Variants in C2orf76 observed in about 807,000 individuals in gnomAD.
C2orf76 encodes the protein chromosome 2 open reading frame 76.
In C2orf76, 23 loss-of-function variants were observed where a neutral mutation model predicts 16.9. The ratio of observed to expected loss-of-function variants is 1.36; its 90% confidence interval spans 0.98 to 1.93. The LOEUF (loss-of-function observed/expected upper bound fraction) is 1.93, where lower values mean the gene tolerates loss of function less well. Ranked by LOEUF, C2orf76 falls within the 30% of genes most tolerant of loss-of-function variation. The pLI, the probability that C2orf76 is intolerant of heterozygous loss-of-function variation, is 0.00. For missense variants in C2orf76, 152 were observed against 152.6 expected (o/e 1.00, Z 0.02); for synonymous variants, 48 against 52.3 (o/e 0.92, Z 0.35).
chr2:119,335,171 G>A (rs183573328), intron 2 of C2orf76, among the ~76,000 whole-genome samples: 10 of 152,218 alleles, frequency 6.6e-5, no homozygotes, highest in East Asian at 1.9e-4. Flanking sequence ...ATGTACATAC[G>A]CACAGGTTAA....
chr2:119,307,866 G>T (rs1476368303), intron 5 of C2orf76, among the ~76,000 whole-genome samples: 5 of 152,192 alleles, frequency 3.3e-5, no homozygotes, highest in Non-Finnish European at 5.9e-5. Flanking sequence ...CAATATTTTA[G>T]TAAAGTCAAA....
At chr2:119,316,999 A>G (rs1679191867) in intron 4 of C2orf76, among the ~76,000 whole-genome samples, 1 of 152,226 alleles carries the variant, frequency 6.6e-6, no homozygotes, top group South Asian at 2.1e-4. Context: ...GGTGGAGCTA[A>G]AAGGTGTGTT....
At chr2:119,364,991 G>C (rs1321461762) in intron 1 of C2orf76, among the ~76,000 whole-genome samples, 1 of 152,176 alleles carries the variant, frequency 6.6e-6, no homozygotes. Flanking sequence ...GGCTAAGGTG[G>C]GAGGATCGCT....
At chr2:119,355,904 A>C (rs1023699094) in intron 1 of C2orf76, among the ~76,000 whole-genome samples, 1 of 152,226 alleles carries the variant, frequency 6.6e-6, no homozygotes, top group Non-Finnish European at 1.5e-5. Context: ...TCAAGTATCC[A>C]CAACATAGAT....
At chr2:119,294,111 C>T in the C2orf76 span, among the ~76,000 whole-genome samples, 1 of 152,054 alleles carries the variant, frequency 6.6e-6, no homozygotes, top group Non-Finnish European at 1.5e-5. Context: ...AGCCCTGGGG[C>T]CTTCTACATC....
the C2orf76 span, among the ~76,000 whole-genome samples, chr2:119,295,879 C>A: frequency 1.3e-5 from 2 of 152,164 alleles, no homozygotes; most frequent in Non-Finnish European, 2.9e-5. Flanking sequence ...TGCTCCCTAA[C>A]AAATCACACC....
the C2orf76 span, among the ~76,000 whole-genome samples, chr2:119,292,507 AAACT>A: frequency 2.0e-5 from 3 of 152,172 alleles, no homozygotes; most frequent in Admixed American, 6.5e-5. Flanking sequence ...CGACAAAAAC[AAACT>A]AACTTTCAAC....
At chr2:119,283,689 G>A in the C2orf76 span, among the ~76,000 whole-genome samples, 19 of 151,994 alleles carry the variant, frequency 1.3e-4, no homozygotes, top group Non-Finnish European at 5.9e-5. Flanking sequence ...TGGCCAGCCT[G>A]GTCTTGAACT....
At chr2:119,356,368 G>A (rs975212812) in intron 1 of C2orf76, among the ~76,000 whole-genome samples, 12 of 147,108 alleles carry the variant, frequency 8.2e-5, no homozygotes, top group African/African-American at 3.0e-4. Context: ...CTGTTCTCCA[G>A]CCTGGGTGAC....
intron 1 of C2orf76, among the ~76,000 whole-genome samples, chr2:119,364,161 T>C (rs923828172): frequency 1.3e-5 from 2 of 151,938 alleles, no homozygotes; most frequent in African/African-American, 2.4e-5. Flanking sequence ...ATCTTGCCCA[T>C]CTGGCTTTAT....
chr2:119,310,169 C>T (rs776397594), intron 5 of C2orf76, among the ~76,000 whole-genome samples: 4 of 152,100 alleles, frequency 2.6e-5, no homozygotes, highest in Non-Finnish European at 5.9e-5. Flanking sequence ...TGTCTGTCAA[C>T]ACCCCCATTA....
chr2:119,304,910 C>G (rs1678728081), intron 5 of C2orf76, among the ~76,000 whole-genome samples: 1 of 152,150 alleles, frequency 6.6e-6, no homozygotes. Context: ...CACTTTCCAC[C>G]ATTATCCCTT....
the C2orf76 span, among the ~76,000 whole-genome samples, chr2:119,292,676 A>C: frequency 2.6e-5 from 4 of 152,296 alleles, no homozygotes; most frequent in East Asian, 7.7e-4. Flanking sequence ...CAGTCTACAC[A>C]GATCTGTTAA....
chr2:119,364,469 T>C (rs1000502910), intron 1 of C2orf76, among the ~76,000 whole-genome samples: 2 of 152,170 alleles, frequency 1.3e-5, no homozygotes, highest in African/African-American at 2.4e-5. Flanking sequence ...CTAACAAATT[T>C]AGATGGTTTC....
At chr2:119,291,946 G>A in the C2orf76 span, among the ~76,000 whole-genome samples, 5 of 152,046 alleles carry the variant, frequency 3.3e-5, no homozygotes, top group African/African-American at 1.2e-4. Flanking sequence ...ACTGAGACCT[G>A]GAGAGGCCAA....
intron 2 of C2orf76, among the ~76,000 whole-genome samples, chr2:119,338,114 G>A (rs1164346144): frequency 6.6e-6 from 1 of 152,184 alleles, no homozygotes; most frequent in Admixed American, 6.5e-5. Context: ...TCAAAAGCAG[G>A]ACACTTTCTA....
At chr2:119,355,844 A>G (rs1482007174) in intron 1 of C2orf76, among the ~76,000 whole-genome samples, 3 of 152,222 alleles carry the variant, frequency 2.0e-5, no homozygotes, top group Non-Finnish European at 4.4e-5. Flanking sequence ...ACAGGATGTA[A>G]TGGACATTTA....
chr2:119,309,142 C>T (rs548871983), intron 5 of C2orf76, among the ~76,000 whole-genome samples: 1 of 152,244 alleles, frequency 6.6e-6, no homozygotes, highest in African/African-American at 2.4e-5. Flanking sequence ...ATCCACTAGC[C>T]TGGCATCCCA....
chr2:119,339,748 G>A (rs1352442443), intron 2 of C2orf76, 79 bp downstream of exon 2: 6 of 1,418,234 alleles, frequency 4.2e-6, no homozygotes, highest in African/African-American at 1.4e-5. Flanking sequence ...TTTAGGATTT[G>A]TTAAAGATTA....
Sources: allele counts gnomAD v4.1 joint callset (sites outside exome capture counted in the v4.1 genomes callset), GRCh38; gene constraint gnomAD v4.1.1; transcripts MANE v1.5; gene names NCBI Gene and HGNC (gene_info 2026-07-23, HGNC 2026-07-21).